The following NAV1 variants were observed in gnomAD, a reference collection of about 807,000 sequenced individuals.
The protein encoded by NAV1 is pore membrane and/or filament interacting like protein 3.
NAV1 carries 18 observed loss-of-function variants against 175.2 expected under a neutral mutation model. That is an observed-to-expected ratio of 0.10 (90% confidence interval 0.07 to 0.15). The LOEUF (loss-of-function observed/expected upper bound fraction) is 0.15, where lower values mean the gene tolerates loss of function less well. NAV1 is among the 10% of genes least tolerant of loss of function. NAV1 has a pLI of 1.00. For missense variants in NAV1, 1,731 were observed against 2,436.6 expected, an observed-to-expected ratio of 0.71 and a Z score of 6.10; for synonymous variants, 897 against 978.7, an observed-to-expected ratio of 0.92 and a Z score of 1.56.
chr1:201,613,784 C>T (rs1007493448), intron 2 of NAV1, among the ~76,000 whole-genome samples: 1 of 152,128 alleles, frequency 6.6e-6, no homozygotes, highest in African/African-American at 2.4e-5. Flanking sequence ...CTCGCTTGAA[C>T]CTGGGAGGCA....
intron 2 of NAV1, among the ~76,000 whole-genome samples, chr1:201,611,222 A>G (rs1667835699): frequency 6.6e-6 from 1 of 152,184 alleles, no homozygotes; most frequent in Non-Finnish European, 1.5e-5. Flanking sequence ...TTCTCTGCCA[A>G]GGACCAGGCC....
rs144494662 is a variant in NAV1 at position 201,784,997 on chromosome 1, C to T, written c.2805-313C>T. Among the ~76,000 whole-genome samples the T allele has an allele frequency of 6.8e-3, 1,040 of 152,076 alleles. 8 individuals carry two copies. The highest frequency in any genetic ancestry group is 0.022 in the African/African-American group (914 of 41,470). ...GTTAGCCAGGATGGTCTCGATCTCC[C>T]GACCTCGTGATCCACCCGCCTTGGC... On this transcript the variant is annotated intron_variant, in intron 7 of 29. Transcript: ENST00000367296.
exon 30 of NAV1, chr1:201,820,328 T>C (rs1679310004): frequency 6.4e-6 from 1 of 157,204 alleles, no homozygotes; most frequent in Non-Finnish European, 1.4e-5. Flanking sequence ...AGAGAGACAG[T>C]CTTGTGAGGG....
At chr1:201,793,697 A>T (rs1677252078) in intron 13 of NAV1, 95 bp from the exon 18 acceptor site, 2 of 1,076,184 alleles carry the variant, frequency 1.9e-6, no homozygotes, top group Admixed American at 4.0e-5. Context: ...CAGCTCCGAG[A>T]TACAGGAAAT....
chr1:201,700,054 C>A (rs981322405), intron 1 of NAV1, among the ~76,000 whole-genome samples: 1 of 152,162 alleles, frequency 6.6e-6, no homozygotes, highest in Non-Finnish European at 1.5e-5. Context: ...GACTAAAACA[C>A]CAAAAGCAAT....
rs1678409554 is a variant in NAV1, at chr1:201,807,972, A to G, written c.3668A>G (p.Lys1223Arg). The stretch of plus-strand genomic sequence containing the variant: ...TTCTAGCTTCGAAGTTCCTTCAACA[A>G]AGCGTTCAGTATAAAAAAGGGGCCC... Residue 1223 changes from lysine to arginine, a missense_variant, in exon 18 of 30, where the codon AAA (lysine) becomes AGA (arginine). Lys to Arg is a conservative substitution (Grantham distance 26, BLOSUM62 2). Coordinates refer to ENST00000367296, the Ensembl canonical transcript of NAV1. The surrounding 1 kb of genome is among the most constrained non-coding windows in gnomAD (Gnocchi z 5.4). 4 of 1,614,170 alleles carry G rather than the reference A, an allele frequency of 2.5e-6. No homozygotes were observed. Among genetic ancestry groups the G allele is most frequent in the Middle Eastern group, 3.3e-4 (2 of 6,062 alleles).
rs542671233 is a variant in NAV1, at chr1:201,804,417, A to T, written c.3640-72A>T. 45 of 1,452,512 alleles carry T rather than the reference A, an allele frequency of 3.1e-5. No homozygotes were observed. In the African/African-American group the frequency reaches 6.3e-4, roughly 20 times the overall value. 90.0% of individuals were successfully genotyped at this position (1,452,512 alleles called of 1,614,324 possible). On this transcript the variant is annotated intron_variant, in intron 16 of 29. Transcript: ENST00000367296. ...TGCAGACAGGTACCAGCTGTGTGAA[A>T]TGAGTGATTAAGTGTTGATTCTTTT...
exon 1 of NAV1, chr1:201,649,205 T>C (rs1278756115): frequency 3.1e-6 from 5 of 1,612,824 alleles, no homozygotes; most frequent in Non-Finnish European, 4.2e-6. Context: ...GAGGACCCTA[T>C]GCGGAGGTCA....
rs886725777 is a variant in NAV1, at chr1:201,806,074, T to A, written c.3648+1577T>A. Among the ~76,000 whole-genome samples the A allele has an allele frequency of 4.0e-5, 6 of 151,098 alleles. 1 individual carries two copies. Among genetic ancestry groups the A allele is most frequent in the African/African-American group, 1.5e-4 (6 of 41,082 alleles). The stretch of plus-strand genomic sequence containing the variant: ...ATCTTGGCTCACTGTAACCTCGGCC[T>A]CGCGGGTTCAAGCAATTCTCCTGCC... On this transcript the variant is annotated intron_variant, in intron 17 of 29. Transcript: ENST00000367296.
chr1:201,665,570 G>C (rs1013439349), intron 1 of NAV1, among the ~76,000 whole-genome samples: 6 of 128,726 alleles, frequency 4.7e-5, no homozygotes, highest in Admixed American at 8.5e-5. Context: ...TCTCTGGAGG[G>C]GTGAGGGCAA....
At chr1:201,592,124 G>A (rs116810276) in intron 2 of NAV1, among the ~76,000 whole-genome samples, 3,029 of 152,236 alleles carry the variant, frequency 0.02, 37 homozygotes, top group Middle Eastern at 0.031. Context: ...TGTGGTGTGG[G>A]AAGCTGCCCC....
At chr1:201,599,078 C>T (rs926727678) in intron 2 of NAV1, among the ~76,000 whole-genome samples, 1 of 152,196 alleles carries the variant, frequency 6.6e-6, no homozygotes, top group Non-Finnish European at 1.5e-5. Context: ...CAGATCTCTG[C>T]CTGCTGACAG....
chr1:201,648,264 C>T (rs1669044712), exon 1 of NAV1: 6 of 1,047,666 alleles, frequency 5.7e-6, no homozygotes, highest in Non-Finnish European at 6.9e-6. Context: ...GACTGACAGG[C>T]AGGCAGGCCG....
chr1:201,564,624 A>G (rs1016810087), intron 1 of NAV1, among the ~76,000 whole-genome samples: 1 of 152,194 alleles, frequency 6.6e-6, no homozygotes, highest in Admixed American at 6.5e-5. Context: ...CTCTGTCTCA[A>G]ATAAATAAAT....
intron 3 of NAV1, among the ~76,000 whole-genome samples, chr1:201,731,071 G>C (rs552415648): frequency 6.6e-6 from 1 of 152,148 alleles, no homozygotes; most frequent in Non-Finnish European, 1.5e-5. Context: ...CAGGCCCATA[G>C]AGACCGAAAG....
rs1665428331 is a variant in NAV1 at position 201,539,180 on chromosome 1, C to T, written c.-306C>T. On this transcript the variant is annotated 5_prime_UTR_variant, in exon 1 of 34. Transcript: ENST00000685211. This position sits in a 1 kb window ranked among gnomAD's most constrained non-coding sequence, Gnocchi z 5.6. The stretch of plus-strand genomic sequence containing the variant: ...TAGTGCGGGGCCCGAGGCTGGAGTG[C>T]GCGGCGGACGCCAAGCCTGGTGCGA... Among the ~76,000 whole-genome samples the T allele has an allele frequency of 6.6e-6, 1 of 152,196 alleles. No individual in the cohort carries two copies. The highest frequency in any genetic ancestry group is 1.5e-5 in the Non-Finnish European group (1 of 68,014).
chr1:201,810,430 G>A lies in NAV1; in HGVS notation c.4562-93G>A, dbSNP rs1678614546. 8.2e-7 allele frequency: 1 copy of A among 1,219,296 alleles called. No homozygotes were observed. The highest frequency in any genetic ancestry group is 1.1e-6 in the Non-Finnish European group (1 of 874,486). 75.5% of individuals were successfully genotyped at this position (1,219,296 alleles called of 1,614,324 possible). On this transcript the variant is annotated intron_variant, in intron 23 of 29. Coordinates refer to ENST00000367296, the Ensembl canonical transcript of NAV1. The surrounding 1 kb of genome is among the most constrained non-coding windows in gnomAD (Gnocchi z 6.0). Reference sequence around the variant, plus strand: ...GCAAGTGGCTCTGAGTTTCTTCAGGGGGCTCCTAGATAAAGAAAGAAAAGC... The same window carrying A: ...GCAAGTGGCTCTGAGTTTCTTCAGGAGGCTCCTAGATAAAGAAAGAAAAGC...
chr1:201,677,103 T>G (rs1670280056), intron 1 of NAV1, among the ~76,000 whole-genome samples: 1 of 151,814 alleles, frequency 6.6e-6, no homozygotes, highest in South Asian at 2.1e-4. Context: ...AATACAAACA[T>G]TATCTGGTTA....
At chr1:201,546,291 G>A (rs905332984) in intron 1 of NAV1, among the ~76,000 whole-genome samples, 6 of 152,180 alleles carry the variant, frequency 3.9e-5, no homozygotes, top group Non-Finnish European at 8.8e-5. Context: ...CGCCCTCTGG[G>A]TATAGTTCGC....
Sources: allele counts gnomAD v4.1 joint callset (sites outside exome capture counted in the v4.1 genomes callset), GRCh38; gene constraint gnomAD v4.1.1; non-coding constraint Gnocchi (gnomAD v3.1); transcripts MANE v1.5; gene names NCBI Gene and HGNC (gene_info 2026-07-23, HGNC 2026-07-21).